SYNPR: variants seen among roughly 807,000 people sequenced by gnomAD.
The protein encoded by SYNPR is synaptoporin.
Under a neutral mutation model 32.9 loss-of-function variants are expected in SYNPR, and 23 were observed. The observed-to-expected ratio is 0.70, with a 90% CI of 0.50 to 0.99. The LOEUF (loss-of-function observed/expected upper bound fraction) is 0.99, where lower values mean the gene tolerates loss of function less well. Ranked by LOEUF, SYNPR falls within the 50% of genes least tolerant of loss-of-function variation. The pLI is 0.00. For missense variants in SYNPR, 318 were observed against 349.3 expected (o/e 0.91, Z 0.71); for synonymous variants, 146 against 135.9 (o/e 1.07, Z -0.52).
At chr3:63,245,723 GTGTGTGTGTGTGTGTGTA>G (rs879913491) in intron 1 of SYNPR, among the ~76,000 whole-genome samples, 4,898 of 98,534 alleles carry the variant, frequency 0.05, 89 homozygotes, top group African/African-American at 0.075. Flanking sequence ...GTGTGTGTGT[GTGTGTGTGTGTGTGTGTA>G]TGTGTGTGTG....
intron 3 of SYNPR, 118 bp downstream of exon 3, chr3:63,481,074 C>A (rs926901552): frequency 3.6e-6 from 5 of 1,373,874 alleles, no homozygotes; most frequent in Non-Finnish European, 4.9e-6. Flanking sequence ...AAGTATTCTG[C>A]CTGCACCCAC....
At chr3:63,399,857 C>A (rs1250582301) in intron 2 of SYNPR, among the ~76,000 whole-genome samples, 2 of 152,204 alleles carry the variant, frequency 1.3e-5, no homozygotes, top group African/African-American at 4.8e-5. Context: ...GATTGAAGGA[C>A]ATAGAAGTAA....
At chr3:63,442,251 C>CAAGA (rs1553636506) in intron 2 of SYNPR, among the ~76,000 whole-genome samples, 136 of 150,252 alleles carry the variant, frequency 9.1e-4, no homozygotes, top group Non-Finnish European at 1.5e-3. Flanking sequence ...GGAAGGAAAG[C>CAAGA]GAGAGAGAGA....
At chr3:63,500,248 A>G (rs2106734626) in intron 3 of SYNPR, among the ~76,000 whole-genome samples, 1 of 152,322 alleles carries the variant, frequency 6.6e-6, no homozygotes, top group Middle Eastern at 3.4e-3. Context: ...CCTTGAAACA[A>G]TGTGAAAATA....
intron 2 of SYNPR, among the ~76,000 whole-genome samples, chr3:63,283,753 C>T (rs2086653942): frequency 6.6e-6 from 1 of 151,364 alleles, no homozygotes; most frequent in Admixed American, 6.6e-5. Flanking sequence ...TAAACTTACC[C>T]CATTTTCAGA....
At chr3:63,240,594 T>C (rs1251255779) in intron 1 of SYNPR, among the ~76,000 whole-genome samples, 1 of 152,008 alleles carries the variant, frequency 6.6e-6, no homozygotes, top group Non-Finnish European at 1.5e-5. Context: ...TAAATGACAA[T>C]TACTTCACCC....
chr3:63,547,622 A>G (rs1488054504), intron 3 of SYNPR, among the ~76,000 whole-genome samples: 3 of 152,134 alleles, frequency 2.0e-5, no homozygotes, highest in Non-Finnish European at 4.4e-5. Context: ...GAACTGTCCT[A>G]TGGAGAAAGG....
chr3:63,374,151 A>G (rs148884613), intron 2 of SYNPR, among the ~76,000 whole-genome samples: 1,620 of 152,324 alleles, frequency 0.011, 34 homozygotes, highest in African/African-American at 0.037. Context: ...GCTTTTGCCC[A>G]TTCAGTATGA....
Position 63,538,381 on chromosome 3 carries a change from G to C in SYNPR, c.210-18162G>C, listed in dbSNP as rs573763927. Among the ~76,000 whole-genome samples, 4 of 152,060 alleles carry C rather than the reference G, an allele frequency of 2.6e-5. No homozygotes were observed. In the East Asian group the frequency reaches 5.8e-4, roughly 22 times the overall value. On this transcript the variant is annotated intron_variant, in intron 3 of 5. Transcript: ENST00000478300. ...AAGGAGGCCAAAGTGCTGGGATATA[G>C]TGAACATTACACAGCAGTTGATGAT...
the SYNPR span, among the ~76,000 whole-genome samples, chr3:63,207,458 T>C: frequency 6.6e-6 from 1 of 152,234 alleles, no homozygotes; most frequent in African/African-American, 2.4e-5. Flanking sequence ...AAATGACTCA[T>C]AGGAAACATT....
At chr3:63,443,715 T>C (rs959369576) in intron 2 of SYNPR, among the ~76,000 whole-genome samples, 3 of 152,240 alleles carry the variant, frequency 2.0e-5, no homozygotes, top group Non-Finnish European at 4.4e-5. Context: ...TCTTTGAACA[T>C]AGTAAGGAAA....
intron 2 of SYNPR, among the ~76,000 whole-genome samples, chr3:63,376,721 T>C (rs1316891606): frequency 6.6e-6 from 1 of 152,146 alleles, no homozygotes; most frequent in East Asian, 1.9e-4. Flanking sequence ...AAGGTGCTAA[T>C]TTATTAGAGT....
At chr3:63,589,134 T>G (rs941950788) in intron 4 of SYNPR, among the ~76,000 whole-genome samples, 2 of 152,098 alleles carry the variant, frequency 1.3e-5, no homozygotes, top group Non-Finnish European at 2.9e-5. Context: ...CATTTTGTGT[T>G]GTATTCATTA....
intron 2 of SYNPR, among the ~76,000 whole-genome samples, chr3:63,450,298 T>C (rs1224568194): frequency 6.6e-6 from 1 of 152,152 alleles, no homozygotes; most frequent in African/African-American, 2.4e-5. Context: ...TGAGTCAGCA[T>C]CCAAGCAGGA....
At chr3:63,287,799 A>G (rs895868555) in intron 2 of SYNPR, among the ~76,000 whole-genome samples, 7 of 152,344 alleles carry the variant, frequency 4.6e-5, no homozygotes, top group African/African-American at 1.4e-4. Flanking sequence ...TAGCTTGGTT[A>G]TGGAGGAGAG....
chr3:63,438,986 G>T (rs891171144), intron 2 of SYNPR, among the ~76,000 whole-genome samples: 1 of 152,162 alleles, frequency 6.6e-6, no homozygotes, highest in Admixed American at 6.5e-5. Context: ...TGCTTAGAAA[G>T]CTAGGCCTCC....
intron 2 of SYNPR, among the ~76,000 whole-genome samples, chr3:63,396,115 T>A (rs1472177447): frequency 6.6e-6 from 1 of 152,190 alleles, no homozygotes; most frequent in Non-Finnish European, 1.5e-5. Context: ...ATAAACTTAT[T>A]TCCTTGGAGT....
rs563023534 is a variant in SYNPR, at chr3:63,347,104, C to T, written c.84+68362C>T. Among the ~76,000 whole-genome samples, 495 of 152,244 alleles carry T rather than the reference C, an allele frequency of 3.3e-3. 2 individuals are homozygous for T. The highest frequency in any genetic ancestry group is 0.011 in the African/African-American group (465 of 41,550). On this transcript the variant is annotated intron_variant, in intron 2 of 5. Transcript: ENST00000478300. ...ATTAACTGAGATAATGTAACTAATG[C>T]AATGTTTGGGACAGAGTAAGTACTT...
chr3:63,570,237 A>G (rs1702862286), intron 4 of SYNPR, among the ~76,000 whole-genome samples: 1 of 152,152 alleles, frequency 6.6e-6, no homozygotes, highest in Non-Finnish European at 1.5e-5. Flanking sequence ...AGGGAAAGGA[A>G]AGAATTGATG....
Sources: gnomAD v4.1 joint callset for allele counts (sites outside exome capture counted in the v4.1 genomes callset) on GRCh38, gnomAD v4.1.1 for gene constraint, MANE v1.5 for transcripts, NCBI Gene and HGNC (gene_info 2026-07-23, HGNC 2026-07-21) for gene names.